Variants in UCK2 observed in about 807,000 individuals in gnomAD.
The protein encoded by UCK2 is cytidine monophosphokinase 2.
Under a neutral mutation model 30.8 loss-of-function variants are expected in UCK2, and 6 were observed. The ratio of observed to expected loss-of-function variants is 0.19; its 90% CI spans 0.11 to 0.38. UCK2 has a LOEUF of 0.38. Ranked by LOEUF, UCK2 falls within the 10% of genes least tolerant of loss-of-function variation. The pLI, the probability that UCK2 is intolerant of heterozygous loss-of-function variation, is 1.00. For missense variants in UCK2, 210 were observed against 339.8 expected, an observed-to-expected ratio of 0.62 and a Z score of 3.00; for synonymous variants, 125 against 133.6, an observed-to-expected ratio of 0.94 and a Z score of 0.45.
At chr1:165,868,533 C>T (rs1270441528) in intron 1 of UCK2, among the ~76,000 whole-genome samples, 3 of 152,214 alleles carry the variant, frequency 2.0e-5, no homozygotes, top group South Asian at 2.1e-4. Flanking sequence ...CAGCACTTGC[C>T]GCTTCATCTA....
At chr1:165,891,866 T>G (rs146876645) in intron 3 of UCK2, among the ~76,000 whole-genome samples, 1 of 151,708 alleles carries the variant, frequency 6.6e-6, no homozygotes, top group East Asian at 2.0e-4. Flanking sequence ...AATAGAGGAG[T>G]GGCCACACTT....
chr1:165,878,623 C>T (rs1030609793), intron 1 of UCK2, among the ~76,000 whole-genome samples: 2 of 152,186 alleles, frequency 1.3e-5, no homozygotes, highest in South Asian at 2.1e-4. Context: ...GGATTACAGG[C>T]GTAAGCCACC....
intron 1 of UCK2, among the ~76,000 whole-genome samples, chr1:165,858,954 T>C (rs1174004250): frequency 6.6e-6 from 1 of 152,212 alleles, no homozygotes; most frequent in East Asian, 1.9e-4. Flanking sequence ...TTGAAAGGGC[T>C]GCGTAAACCA....
intron 1 of UCK2, among the ~76,000 whole-genome samples, chr1:165,846,334 T>C (rs1654448203): frequency 6.6e-6 from 1 of 152,202 alleles, no homozygotes; most frequent in African/African-American, 2.4e-5. Flanking sequence ...ATTTATTTAA[T>C]GTCCCTGGAT....
intron 1 of UCK2, among the ~76,000 whole-genome samples, chr1:165,873,336 G>A (rs1655250490): frequency 1.3e-5 from 2 of 152,284 alleles, no homozygotes; most frequent in South Asian, 4.1e-4. Context: ...GAAACTGATG[G>A]CCACCGTCTT....
intron 1 of UCK2, among the ~76,000 whole-genome samples, chr1:165,860,563 C>T (rs1372560951): frequency 2.0e-5 from 3 of 152,140 alleles, no homozygotes; most frequent in Non-Finnish European, 2.9e-5. Context: ...ATTCTCCCAC[C>T]TCAGCCTCCC....
intron 1 of UCK2, among the ~76,000 whole-genome samples, chr1:165,854,419 C>T (rs964053240): frequency 4.6e-5 from 7 of 151,984 alleles, no homozygotes; most frequent in African/African-American, 1.7e-4. Context: ...GGAAGTAAAC[C>T]GATTTCCCTG....
intron 1 of UCK2, among the ~76,000 whole-genome samples, chr1:165,838,821 G>T (rs1369452056): frequency 1.3e-5 from 2 of 152,014 alleles, no homozygotes; most frequent in African/African-American, 4.8e-5. Flanking sequence ...GCCGGGATGG[G>T]CAGGTCATCT....
chr1:165,848,139 GT>G (rs1037853074), intron 1 of UCK2, among the ~76,000 whole-genome samples: 3 of 152,216 alleles, frequency 2.0e-5, no homozygotes, highest in African/African-American at 7.2e-5. Flanking sequence ...GCTAACCTGA[GT>G]TGAAAAAGTT....
chr1:165,899,252 TG>T (rs1179257863), intron 4 of UCK2, among the ~76,000 whole-genome samples: 1 of 152,146 alleles, frequency 6.6e-6, no homozygotes, highest in African/African-American at 2.4e-5. Context: ...TTCTCGGGAT[TG>T]GTTTCTAGCC....
At chr1:165,835,523 G>GT (rs1654166373) in intron 1 of UCK2, among the ~76,000 whole-genome samples, 1 of 151,886 alleles carries the variant, frequency 6.6e-6, no homozygotes. Context: ...TTTGACATCA[G>GT]TTTTTTTCAT....
chr1:165,875,451 C>T (rs963291451), intron 1 of UCK2, among the ~76,000 whole-genome samples: 1 of 152,186 alleles, frequency 6.6e-6, no homozygotes, highest in Non-Finnish European at 1.5e-5. Flanking sequence ...TTTCCTCACA[C>T]AGCAAGGCAC....
rs115196038 is a variant in UCK2, at chr1:165,867,845, A to G, written c.100-22359A>G. ...AATGTTGATATTTTCACCTCCTCCA[A>G]TGAATCACAAATGTTGTTAATGGCA... On this transcript the variant is annotated intron_variant, in intron 1 of 6. Coordinates refer to ENST00000367879, the MANE Select transcript of UCK2 (RefSeq NM_012474.5). Among the ~76,000 whole-genome samples the G allele has an allele frequency of 4.4e-3, 671 of 152,284 alleles. 1 individual carries two copies. Among genetic ancestry groups the G allele is most frequent in the Non-Finnish European group, 7.1e-3 (480 of 68,010 alleles).
intron 1 of UCK2, among the ~76,000 whole-genome samples, chr1:165,832,605 G>A (rs1193017218): frequency 1.3e-5 from 2 of 151,930 alleles, no homozygotes; most frequent in Non-Finnish European, 2.9e-5. Flanking sequence ...AGGATCTAGG[G>A]TTTTATTTTT....
In UCK2 at chr1:165,873,361, A is replaced by T. The variant is rs542524837; in HGVS notation, c.100-16843A>T. Among the ~76,000 whole-genome samples the T allele has an allele frequency of 3.9e-5, 6 of 152,364 alleles. No homozygotes were observed. The South Asian group carries it at 1.2e-3, about 32-fold the overall frequency. On this transcript the variant is annotated intron_variant, in intron 1 of 6. Coordinates refer to ENST00000367879, the MANE Select transcript of UCK2 (RefSeq NM_012474.5). Reference sequence around the variant, plus strand: ...GCCACCGTCTTGGACACAAGCTACCATGCATGCATATAAACACGGAAAAAT... The same window carrying T: ...GCCACCGTCTTGGACACAAGCTACCTTGCATGCATATAAACACGGAAAAAT...
intron 1 of UCK2, 45 bp downstream of exon 1, chr1:165,827,977 C>G (rs1056800485): frequency 8.0e-7 from 1 of 1,249,336 alleles, no homozygotes; most frequent in Admixed American, 4.2e-5. Flanking sequence ...GCTTCTGTCC[C>G]TGGGCGGCGC....
intron 1 of UCK2, among the ~76,000 whole-genome samples, chr1:165,881,656 C>T (rs1020832776): frequency 1.3e-5 from 2 of 152,104 alleles, no homozygotes; most frequent in Non-Finnish European, 2.9e-5. Context: ...TAAATATAAC[C>T]AAGTATATGT....
At chr1:165,878,399 C>T (rs996854245) in intron 1 of UCK2, among the ~76,000 whole-genome samples, 1 of 151,704 alleles carries the variant, frequency 6.6e-6, no homozygotes, top group African/African-American at 2.4e-5. Context: ...GGCGCAATCT[C>T]GGCTCACTGT....
rs558633459 is a variant in UCK2 at position 165,862,726 on chromosome 1, G to A, written c.100-27478G>A. Among the ~76,000 whole-genome samples, 6 of 152,258 alleles carry A rather than the reference G, an allele frequency of 3.9e-5. No individual in the cohort carries two copies. The East Asian group carries it at 7.7e-4, about 20-fold the overall frequency. ...AGCCCACAGGTCTTATGTTGTTGCC[G>A]AGGGACCTTTACAAGACACTTAAAC... On this transcript the variant is annotated intron_variant, in intron 1 of 6. Transcript: ENST00000367879.
Sources: gnomAD v4.1 joint callset for allele counts (sites outside exome capture counted in the v4.1 genomes callset) on GRCh38, gnomAD v4.1.1 for gene constraint, MANE v1.5 for transcripts, NCBI Gene and HGNC (gene_info 2026-07-23, HGNC 2026-07-21) for gene names.